SPMIP2: variants seen among roughly 807,000 people sequenced by gnomAD.
The protein encoded by SPMIP2 is sperm microtubule inner protein 2, also known as protein SPMIP2.
At chr4:158,956,440 G>A in the SPMIP2 span, among the ~76,000 whole-genome samples, 4 of 152,224 alleles carry the variant, frequency 2.6e-5, no homozygotes, top group Non-Finnish European at 5.9e-5. Flanking sequence ...GTGCATGCCT[G>A]TAGTCCCAGC....
At chr4:159,013,480 G>A in the SPMIP2 span, among the ~76,000 whole-genome samples, 1 of 152,170 alleles carries the variant, frequency 6.6e-6, no homozygotes, top group African/African-American at 2.4e-5. Flanking sequence ...TTGGTGACTG[G>A]TGAGCCCCTC....
the SPMIP2 span, among the ~76,000 whole-genome samples, chr4:159,061,111 A>G: frequency 1.9e-5 from 1 of 51,550 alleles, no homozygotes; most frequent in African/African-American, 5.9e-5. Context: ...ATATATATAC[A>G]TATATATATA....
At chr4:158,904,580 A>C in the SPMIP2 span, 3 of 1,560,124 alleles carry the variant, frequency 1.9e-6, no homozygotes, top group Non-Finnish European at 2.6e-6. Flanking sequence ...TGGAAGAAAA[A>C]AATCAAATTC....
the SPMIP2 span, among the ~76,000 whole-genome samples, chr4:159,015,385 G>A: frequency 6.6e-6 from 1 of 152,116 alleles, no homozygotes; most frequent in African/African-American, 2.4e-5. Context: ...CATTATTGTA[G>A]GAATAGTTCA....
At chr4:159,061,653 C>CA in the SPMIP2 span, among the ~76,000 whole-genome samples, 11 of 151,490 alleles carry the variant, frequency 7.3e-5, no homozygotes, top group African/African-American at 1.9e-4. Context: ...ACTAAAAATA[C>CA]AAAAAAAATT....
At chr4:158,982,820 T>C in the SPMIP2 span, among the ~76,000 whole-genome samples, 1 of 152,092 alleles carries the variant, frequency 6.6e-6, no homozygotes, top group Non-Finnish European at 1.5e-5. Context: ...AGAATGACTT[T>C]GACAAGTTGA....
chr4:158,938,237 A>G, the SPMIP2 span, among the ~76,000 whole-genome samples: 106,950 of 152,076 alleles, frequency 0.7, 37,817 homozygotes, highest in East Asian at 0.9. Context: ...AGACAGATGA[A>G]TATTGCTTAA....
the SPMIP2 span, among the ~76,000 whole-genome samples, chr4:158,937,283 C>T: frequency 5.3e-4 from 80 of 152,208 alleles, 1 homozygote; most frequent in South Asian, 0.016. Context: ...TTTGGATGAA[C>T]GAATGACTAG....
chr4:159,041,244 C>T, the SPMIP2 span, among the ~76,000 whole-genome samples: 1 of 152,210 alleles, frequency 6.6e-6, no homozygotes. Flanking sequence ...CAACTTCCCC[C>T]AGTTGTAGTT....
the SPMIP2 span, chr4:158,905,966 T>C: frequency 6.6e-6 from 1 of 152,234 alleles, no homozygotes; most frequent in Non-Finnish European, 1.5e-5. Context: ...ATGAAGTAAT[T>C]TCCCTATTAG....
chr4:158,961,861 C>T, the SPMIP2 span, among the ~76,000 whole-genome samples: 1 of 151,914 alleles, frequency 6.6e-6, no homozygotes, highest in African/African-American at 2.4e-5. Flanking sequence ...TAGTGTTAAA[C>T]CTAATAAAAT....
the SPMIP2 span, among the ~76,000 whole-genome samples, chr4:158,898,880 T>C: frequency 6.6e-6 from 1 of 152,164 alleles, no homozygotes; most frequent in East Asian, 1.9e-4. Context: ...TGTTGAATAG[T>C]TGAATAGGAG....
the SPMIP2 span, among the ~76,000 whole-genome samples, chr4:158,920,828 C>CT: frequency 6.6e-6 from 1 of 152,170 alleles, no homozygotes; most frequent in Non-Finnish European, 1.5e-5. Context: ...AGCATGTGAT[C>CT]TTTGTTCTGC....
the SPMIP2 span, chr4:158,895,673 TAAG>T: frequency 1.1e-6 from 1 of 888,690 alleles, no homozygotes; most frequent in African/African-American, 1.7e-5. Context: ...AGAAATGAAT[TAAG>T]AAAATTCTGA....
At chr4:159,026,710 ATG>A in the SPMIP2 span, among the ~76,000 whole-genome samples, 2 of 152,064 alleles carry the variant, frequency 1.3e-5, no homozygotes, top group Admixed American at 1.3e-4. Context: ...TAATAAATAA[ATG>A]TGTTTGTGCT....
chr4:158,911,354 A>AT, the SPMIP2 span, among the ~76,000 whole-genome samples: 2 of 145,422 alleles, frequency 1.4e-5, no homozygotes, highest in African/African-American at 5.5e-5. Flanking sequence ...TCTCAAATAA[A>AT]TAAATAAATA....
the SPMIP2 span, among the ~76,000 whole-genome samples, chr4:158,964,400 A>T: frequency 6.6e-6 from 1 of 152,172 alleles, no homozygotes; most frequent in Non-Finnish European, 1.5e-5. Flanking sequence ...TCTTTGGGAG[A>T]TCTGAGTGGA....
chr4:159,028,082 ACAGGGAGCAGG>A, the SPMIP2 span, among the ~76,000 whole-genome samples: 1 of 152,114 alleles, frequency 6.6e-6, no homozygotes, highest in Non-Finnish European at 1.5e-5. Flanking sequence ...CCCCATATAA[ACAGGGAGCAGG>A]CAGAAGCTTC....
chr4:158,901,800 T>C, the SPMIP2 span, among the ~76,000 whole-genome samples: 1 of 151,866 alleles, frequency 6.6e-6, no homozygotes, highest in South Asian at 2.1e-4. Flanking sequence ...TTGTGTATGC[T>C]TCATGAAGTT....
Sources: allele counts gnomAD v4.1 joint callset (sites outside exome capture counted in the v4.1 genomes callset), GRCh38; gene constraint gnomAD v4.1.1; transcripts MANE v1.5; gene names NCBI Gene and HGNC (gene_info 2026-07-23, HGNC 2026-07-21).